The following EIF4G3 variants were observed in gnomAD, a reference collection of about 807,000 sequenced individuals.
EIF4G3 encodes eIF-4-gamma 3.
Under a neutral mutation model 186.4 loss-of-function variants are expected in EIF4G3, and 34 were observed. The ratio of observed to expected loss-of-function variants is 0.18; its 90% confidence interval spans 0.14 to 0.24. The LOEUF is 0.24. Ranked by LOEUF, EIF4G3 falls within the 10% of genes least tolerant of loss-of-function variation. EIF4G3 has a pLI of 1.00. For synonymous variants in EIF4G3, 673 were observed against 679.5 expected (o/e 0.99, Z 0.15); for missense variants, 1,536 against 1,948.5 (o/e 0.79, Z 3.99).
At chr1:21,055,970 C>T in intron 3 of EIF4G3, among the ~76,000 whole-genome samples, 1 of 151,970 alleles carries the variant, frequency 6.6e-6, no homozygotes, top group Non-Finnish European at 1.5e-5. Context: ...AAATTAGTAT[C>T]CATTGGTTTG....
At position 20,911,498 on chromosome 1, in the gene EIF4G3, T is replaced by C. The variant is rs969868474; in HGVS notation, c.1664-6527A>G. Among the ~76,000 whole-genome samples, 3 of 139,138 alleles carry C rather than the reference T, an allele frequency of 2.2e-5. No individual in the cohort carries two copies. The Admixed American group carries it at 2.4e-4, about 11-fold the overall frequency. The allele number at this position is 139,138 out of a possible 152,430, so 91.3% of individuals were successfully genotyped here. On this transcript the variant is annotated intron_variant, in intron 14 of 36. Transcript: ENST00000602326. ...GATCACTTGAGCCCAGGAGTTGGAG[T>C]TGCAGGGAGCTATGACCGTGCCACT...
intron 2 of EIF4G3, among the ~76,000 whole-genome samples, chr1:21,140,540 C>T (rs2097319983): frequency 6.6e-6 from 1 of 152,212 alleles, no homozygotes; most frequent in South Asian, 2.1e-4. Flanking sequence ...CTTGAACTGG[C>T]CTCATTTGAT....
intron 2 of EIF4G3, among the ~76,000 whole-genome samples, chr1:21,140,063 C>T (rs971348642): frequency 6.6e-6 from 1 of 152,180 alleles, no homozygotes; most frequent in Non-Finnish European, 1.5e-5. Flanking sequence ...GCAAGCATTT[C>T]CCACATTCTT....
At chr1:21,104,132 C>G (rs895227769) in intron 2 of EIF4G3, among the ~76,000 whole-genome samples, 1 of 152,190 alleles carries the variant, frequency 6.6e-6, no homozygotes, top group African/African-American at 2.4e-5. Flanking sequence ...ACATGACATT[C>G]AATCTGTTAA....
intron 3 of EIF4G3, among the ~76,000 whole-genome samples, chr1:21,081,439 T>C (rs1275762288): frequency 6.6e-6 from 1 of 151,836 alleles, no homozygotes; most frequent in Non-Finnish European, 1.5e-5. Context: ...TCTCAAAATA[T>C]ATATATATGT....
intron 30 of EIF4G3, among the ~76,000 whole-genome samples, chr1:20,832,604 CTTTAG>C (rs1557833339): frequency 1.3e-5 from 2 of 148,876 alleles, no homozygotes; most frequent in South Asian, 2.1e-4. Context: ...TGCAGAAGCT[CTTTAG>C]TTTAATTAGA....
chr1:20,917,397 CT>C (rs2093999751), intron 14 of EIF4G3, among the ~76,000 whole-genome samples: 1 of 152,164 alleles, frequency 6.6e-6, no homozygotes, highest in Non-Finnish European at 1.5e-5. Flanking sequence ...GTCCCAGCTA[CT>C]TGGGAGGCTG....
At chr1:20,933,631 G>A (rs1354729503) in intron 14 of EIF4G3, among the ~76,000 whole-genome samples, 1 of 151,988 alleles carries the variant, frequency 6.6e-6, no homozygotes, top group Non-Finnish European at 1.5e-5. Context: ...ACTCCAGCCT[G>A]GGCAACAGAG....
At chr1:20,968,547 C>T (rs2075205538) in intron 12 of EIF4G3, among the ~76,000 whole-genome samples, 1 of 152,098 alleles carries the variant, frequency 6.6e-6, no homozygotes, top group South Asian at 2.1e-4. Context: ...ACTCCAGTTT[C>T]CTCTACAATA....
intron 2 of EIF4G3, among the ~76,000 whole-genome samples, chr1:21,113,242 T>C (rs1410641483): frequency 6.6e-6 from 1 of 151,896 alleles, no homozygotes; most frequent in Non-Finnish European, 1.5e-5. Flanking sequence ...ATCACTTTCA[T>C]GTCTGGTTTA....
rs765856304 is a variant in EIF4G3 at position 20,810,032 on chromosome 1, G to A, written c.4744+706C>T. On this transcript the variant is annotated intron_variant, in intron 36 of 36. Transcript: ENST00000602326. The surrounding 1 kb of genome is among the most constrained non-coding windows in gnomAD (Gnocchi z 4.1). ...GTTGTCCAGGCCGGAGTGCAGTGGC[G>A]CCATCTTGGCTTAGTGCAAACTCCG... Among the ~76,000 whole-genome samples, 2 of 151,162 alleles carry A rather than the reference G, an allele frequency of 1.3e-5. No homozygotes were observed. Among genetic ancestry groups the A allele is most frequent in the Admixed American group, 1.3e-4 (2 of 15,178 alleles).
intron 18 of EIF4G3, among the ~76,000 whole-genome samples, chr1:20,889,491 TTTTA>T (rs926249326): frequency 5.3e-5 from 8 of 152,162 alleles, no homozygotes; most frequent in Non-Finnish European, 1.0e-4. Flanking sequence ...TGATAAGTAA[TTTTA>T]TTTATTTTTT....
At chr1:20,858,373 C>A (rs542531463) in intron 24 of EIF4G3, among the ~76,000 whole-genome samples, 1 of 152,280 alleles carries the variant, frequency 6.6e-6, no homozygotes, top group East Asian at 1.9e-4. Flanking sequence ...GCTTCAGGGT[C>A]TTTGTACTTA....
At chr1:21,053,528 C>G (rs560974646) in intron 3 of EIF4G3, among the ~76,000 whole-genome samples, 1 of 146,676 alleles carries the variant, frequency 6.8e-6, no homozygotes, top group Non-Finnish European at 1.5e-5. Flanking sequence ...CCAGCCGCCC[C>G]GTCCGGGAAG....
chr1:21,116,671 T>G (rs557153410), intron 2 of EIF4G3, among the ~76,000 whole-genome samples: 2 of 151,594 alleles, frequency 1.3e-5, no homozygotes, highest in South Asian at 4.2e-4. Flanking sequence ...AAACCCTGTC[T>G]CTACTAAAAA....
At chr1:21,067,460 T>C (rs1318623904) in intron 3 of EIF4G3, among the ~76,000 whole-genome samples, 1 of 152,102 alleles carries the variant, frequency 6.6e-6, no homozygotes, top group Non-Finnish European at 1.5e-5. Flanking sequence ...TAACAAGGTA[T>C]CTGATTTAAC....
intron 7 of EIF4G3, among the ~76,000 whole-genome samples, chr1:20,991,453 A>G (rs936377237): frequency 6.6e-6 from 1 of 152,144 alleles, no homozygotes; most frequent in African/African-American, 2.4e-5. Context: ...CTGTAGTTCC[A>G]GCTACTCAGG....
intron 20 of EIF4G3, among the ~76,000 whole-genome samples, chr1:20,875,075 C>A (rs1412429003): frequency 6.6e-6 from 1 of 152,008 alleles, no homozygotes; most frequent in African/African-American, 2.4e-5. Context: ...ACCTCCTGGA[C>A]TCAAGGGATC....
chr1:20,932,941 AGT>A (rs1201375628), intron 14 of EIF4G3, among the ~76,000 whole-genome samples: 1 of 152,192 alleles, frequency 6.6e-6, no homozygotes, highest in Non-Finnish European at 1.5e-5. Context: ...AATAAAGAGA[AGT>A]GCAATAAAAT....
Sources: allele counts gnomAD v4.1 joint callset (sites outside exome capture counted in the v4.1 genomes callset), GRCh38; gene constraint gnomAD v4.1.1; non-coding constraint Gnocchi (gnomAD v3.1); transcripts MANE v1.5; gene names NCBI Gene and HGNC (gene_info 2026-07-23, HGNC 2026-07-21).